The following USP4 variants were observed in gnomAD, a reference collection of about 807,000 sequenced individuals.
The protein encoded by USP4 is ubiquitin specific peptidase 4, also known as ubiquitin carboxyl-terminal hydrolase 4.
USP4 carries 72 observed loss-of-function variants against 118.2 expected under a neutral mutation model. The ratio of observed to expected loss-of-function variants is 0.61; its 90% CI spans 0.50 to 0.74. USP4 has a LOEUF of 0.74. Ranked by LOEUF, USP4 falls within the 30% of genes least tolerant of loss-of-function variation. The probability of loss-of-function intolerance (pLI) is 0.00; values close to 1 mark genes in which losing one functional copy is unlikely to be tolerated. For missense variants in USP4, 1,037 were observed against 1,185.7 expected (o/e 0.87, Z 1.84); for synonymous variants, 415 against 440.4 (o/e 0.94, Z 0.72).
chr3:49,301,480 G>A (rs564921373), intron 10 of USP4, among the ~76,000 whole-genome samples: 2 of 152,098 alleles, frequency 1.3e-5, no homozygotes, highest in Non-Finnish European at 2.9e-5. Context: ...CAGAGGTCAG[G>A]AGTTCAATAT....
intron 9 of USP4, among the ~76,000 whole-genome samples, chr3:49,302,880 A>G (rs1296400592): frequency 1.3e-5 from 2 of 152,218 alleles, no homozygotes; most frequent in Non-Finnish European, 2.9e-5. Context: ...CTTAAACTCC[A>G]TAAGGACATT....
At chr3:49,311,722 G>C in intron 6 of USP4, 68 bp from the exon 7 acceptor site, 2 of 1,572,450 alleles carry the variant, frequency 1.3e-6, no homozygotes, top group Non-Finnish European at 1.7e-6. Flanking sequence ...TAATGCCTTA[G>C]GTTGCTTCTC....
In USP4 at chr3:49,335,581, G is replaced by A. The variant is rs768699501; in HGVS notation, c.117C>T (p.Ser39=). 1.2e-5 allele frequency: 19 copies of A among 1,614,156 alleles called. No individual in the cohort carries two copies. The highest frequency in any genetic ancestry group is 1.5e-5 in the Non-Finnish European group (18 of 1,180,032). Residue 39 remains serine, a synonymous_variant, in exon 2 of 22, where the codon AGC becomes AGT. Coordinates refer to ENST00000265560, the MANE Select transcript of USP4 (RefSeq NM_003363.4). ...ACTTCTTCCACTGCTTGAACCACCG[G>A]CTGTCAATAAGATACCTAGAGAGAG... The part of the protein sequence containing the change: ...QRGAQWYLID[S]RWFKQWKKYV...
intron 1 of USP4, among the ~76,000 whole-genome samples, chr3:49,336,572 T>C (rs1422658135): frequency 1.3e-5 from 2 of 151,972 alleles, no homozygotes; most frequent in Non-Finnish European, 2.9e-5. Context: ...TTACCCAGGC[T>C]GGAGTGCAAT....
In USP4 at chr3:49,325,807, G is replaced by A. The variant is rs767258123; in HGVS notation, c.399C>T (p.Val133=). ...EHGLFVKHCK[V]EVYLLELKLC... The stretch of plus-strand genomic sequence containing the variant: ...GCTTCAGTTCCAGCAAATACACCTC[G>A]ACTTTGCAGTGCTTGACAAACAGGC... The change falls in exon 4 of 22, where the codon GTC becomes GTT. Residue 133 remains valine (V), a synonymous_variant. Coordinates refer to ENST00000265560, the MANE Select transcript of USP4 (RefSeq NM_003363.4). 43 of 1,613,726 alleles carry A rather than the reference G, an allele frequency of 2.7e-5. No individual in the cohort carries two copies. In the East Asian group the frequency reaches 4.9e-4, roughly 18 times the overall value.
At chr3:49,310,221 G>C (rs1358943907) in intron 8 of USP4, among the ~76,000 whole-genome samples, 2 of 152,008 alleles carry the variant, frequency 1.3e-5, no homozygotes, top group African/African-American at 4.8e-5. Context: ...CACTGCGCCC[G>C]GCTGGGACAG....
chr3:49,300,324 A>G, intron 11 of USP4, 143 bp downstream of exon 11: 1 of 664,424 alleles, frequency 1.5e-6, no homozygotes, highest in Non-Finnish European at 2.6e-6. Context: ...GATTAGACAA[A>G]GGTCTGATGG....
Position 49,284,055 on chromosome 3 carries a change from G to A in USP4, c.2472C>T (p.His824=). ...ATCTGTTGTAGGAGAAACGTTTGAG[G>A]TGGACCACCAGGATCTTGGGCAAGG... ...LWSLPKILVV[H]LKRFSYNRYW... The change falls in exon 19 of 22, where the codon CAC becomes CAT. Residue 824 remains histidine (H), a synonymous_variant. Coordinates refer to ENST00000265560, the MANE Select transcript of USP4 (RefSeq NM_003363.4). 6.2e-7 allele frequency: 1 copy of A among 1,614,260 alleles called. No homozygotes were observed. The highest frequency in any genetic ancestry group is 8.5e-7 in the Non-Finnish European group (1 of 1,180,046).
chr3:49,310,140 G>A (rs1016121544), intron 8 of USP4, among the ~76,000 whole-genome samples: 2 of 149,688 alleles, frequency 1.3e-5, no homozygotes, highest in African/African-American at 4.9e-5. Flanking sequence ...GTAGAGATGG[G>A]GGTTTCACCA....
At position 49,298,541 on chromosome 3, in the gene USP4, C is replaced by T. The variant is rs767951943; in HGVS notation, c.1596+11G>A. The stretch of plus-strand genomic sequence containing the variant: ...CAAATAGACCGAGTGCCACTGATCA[C>T]CCCGCCTTACATTTTCTGCAGCAAT... On this transcript the variant is annotated intron_variant, in intron 12 of 21. Coordinates refer to ENST00000265560, the MANE Select transcript of USP4 (RefSeq NM_003363.4). 3 of 1,613,876 alleles carry T rather than the reference C, an allele frequency of 1.9e-6. No individual in the cohort carries two copies. The highest frequency in any genetic ancestry group is 3.3e-4 in the Middle Eastern group (2 of 6,062).
intron 15 of USP4, among the ~76,000 whole-genome samples, chr3:49,289,942 T>G (rs535383442): frequency 6.6e-6 from 1 of 151,674 alleles, no homozygotes; most frequent in South Asian, 2.1e-4. Flanking sequence ...CTTGCTTGTC[T>G]CCACAAAAAA....
At chr3:49,295,735 C>CA (rs765943049) in intron 13 of USP4, among the ~76,000 whole-genome samples, 9,370 of 136,242 alleles carry the variant, frequency 0.069, 339 homozygotes, top group African/African-American at 0.13. Context: ...CACACACACA[C>CA]CCCCCCCTCC....
intron 4 of USP4, among the ~76,000 whole-genome samples, chr3:49,325,414 G>A (rs2047543177): frequency 6.6e-6 from 1 of 151,848 alleles, no homozygotes; most frequent in Admixed American, 6.6e-5. Context: ...GCAGTGCAGT[G>A]GTGGGATCGT....
rs1445299299 is a variant in USP4, at chr3:49,305,842, T to A, written c.1001A>T (p.Glu334Val). The A allele has an allele frequency of 6.2e-7, 1 of 1,614,084 alleles. No homozygotes were observed. The highest frequency in any genetic ancestry group is 8.5e-7 in the Non-Finnish European group (1 of 1,179,996). The change falls in exon 9 of 22, where the codon GAG (glutamate) becomes GTG (valine). Residue 334 changes from glutamate to valine, a missense_variant. Physicochemically the swap from Glu to Val is moderately radical, Grantham distance 121. Around this residue, in one of 3 missense-constraint regions of USP4, gnomAD observed 487 missense variants for 534.1 expected, o/e 0.91. Transcript: ENST00000265560. ...GTCTCTGTTGATTTCGGCTTCATAC[T>A]CATCTTTGAGAAAGTAGTCAGTCAG... ...APLTDYFLKD[E>V]YEAEINRDNP...
chr3:49,334,964 G>A (rs1426180132), intron 2 of USP4, among the ~76,000 whole-genome samples: 1 of 152,092 alleles, frequency 6.6e-6, no homozygotes, highest in African/African-American at 2.4e-5. Flanking sequence ...GTTACATGTC[G>A]CTTTTCCCAC....
Position 49,284,080 on chromosome 3 carries a change from G to A in USP4, c.2447C>T (p.Ser816Phe), listed in dbSNP as rs2047068425. 2 of 1,614,236 alleles carry A rather than the reference G, an allele frequency of 1.2e-6. No individual in the cohort carries two copies. Among genetic ancestry groups the A allele is most frequent in the Admixed American group, 1.7e-5 (1 of 60,024 alleles). Residue 816 changes from serine to phenylalanine, a missense_variant, in exon 19 of 22, where the codon TCC (serine) becomes TTC (phenylalanine). By Grantham distance (155) the Ser-to-Phe change is radical (BLOSUM62 -2). Coordinates refer to ENST00000265560, the MANE Select transcript of USP4 (RefSeq NM_003363.4). ...GTGGACCACCAGGATCTTGGGCAAG[G>A]ACCATAGGTCAAACTTTTTTGTGGC... ...QQATKKFDLW[S>F]LPKILVVHLK... is the part of the protein sequence containing the mutation.
intron 5 of USP4, 51 bp downstream of exon 5, chr3:49,324,843 C>T (rs1361705253): frequency 1.9e-6 from 3 of 1,613,842 alleles, no homozygotes; most frequent in Non-Finnish European, 2.5e-6. Flanking sequence ...AGTATCTGGC[C>T]ACACACCCTG....
chr3:49,333,211 G>A (rs1004946803), intron 2 of USP4, among the ~76,000 whole-genome samples: 26 of 148,756 alleles, frequency 1.7e-4, no homozygotes, highest in Non-Finnish European at 3.1e-4. Flanking sequence ...GTGCAGTGGC[G>A]CAATCTCAGC....
rs149627106 is a variant in USP4, at chr3:49,285,521, C to T, written c.2200+577G>A. Reference sequence around the variant, plus strand: ...ATTAGCTGGGTGTGGTGGTGCACACCTGTAGTCTCAGCTACTCAGGAGGGT... The same window carrying T: ...ATTAGCTGGGTGTGGTGGTGCACACTTGTAGTCTCAGCTACTCAGGAGGGT... On this transcript the variant is annotated intron_variant, in intron 16 of 21. Transcript: ENST00000265560. Among the ~76,000 whole-genome samples, 1,054 of 152,228 alleles carry T rather than the reference C, an allele frequency of 6.9e-3. 9 individuals carry two copies. Among genetic ancestry groups the T allele is most frequent in the African/African-American group, 0.024 (1,005 of 41,542 alleles).
Sources: allele counts gnomAD v4.1 joint callset (sites outside exome capture counted in the v4.1 genomes callset), GRCh38; gene constraint gnomAD v4.1.1; regional missense constraint gnomAD v4.1.1; transcripts MANE v1.5; gene names NCBI Gene and HGNC (gene_info 2026-07-23, HGNC 2026-07-21).